Variants in ZC3H12D observed in about 807,000 individuals in gnomAD.
ZC3H12D encodes zinc finger CCCH-type containing 12D.
ZC3H12D carries 11 observed loss-of-function variants against 24.2 expected under a neutral mutation model. That is an observed-to-expected ratio of 0.46 (90% CI 0.29 to 0.75). The LOEUF (loss-of-function observed/expected upper bound fraction) is 0.75. Ranked by LOEUF, ZC3H12D falls within the 30% of genes least tolerant of loss-of-function variation. The probability of loss-of-function intolerance (pLI) is 0.11; values close to 1 mark genes in which losing one functional copy is unlikely to be tolerated. For synonymous variants in ZC3H12D, 333 were observed against 341.8 expected, an observed-to-expected ratio of 0.97 and a Z score of 0.28; for missense variants, 740 against 767.7, an observed-to-expected ratio of 0.96 and a Z score of 0.43.
intron 2 of ZC3H12D, among the ~76,000 whole-genome samples, chr6:149,470,536 G>GA (rs67599681): frequency 0.37 from 54,368 of 147,794 alleles, 10,344 homozygotes; most frequent in African/African-American, 0.46. Flanking sequence ...TCCGTCTGAA[G>GA]AAAAAAAAAA....
chr6:149,472,899 C>T (rs1370917839), intron 2 of ZC3H12D, among the ~76,000 whole-genome samples: 1 of 152,070 alleles, frequency 6.6e-6, no homozygotes, highest in East Asian at 1.9e-4. Flanking sequence ...TCTCACAACC[C>T]CTTCTAGTCT....
Position 149,474,621 on chromosome 6 carries a change from G to C in ZC3H12D, c.-70-8C>G. On this transcript the variant is annotated splice_region_variant and splice_polypyrimidine_tract_variant and intron_variant, in intron 1 of 5. Coordinates refer to ENST00000409806, the MANE Select transcript of ZC3H12D (RefSeq NM_207360.3). The stretch of plus-strand genomic sequence containing the variant: ...GAGCCCTGCAGACATGAGCTAAAGA[G>C]AAAAAAAATGCATCCATCAGGTGTT... 7.8e-7 allele frequency: 1 copy of C among 1,286,786 alleles called. No individual in the cohort carries two copies. Among genetic ancestry groups the C allele is most frequent in the South Asian group, 2.2e-5 (1 of 44,650 alleles). The allele number at this position is 1,286,786 out of a possible 1,614,324, so 79.7% of individuals were successfully genotyped here. A position where few individuals can be genotyped will look rare whatever the true frequency, so the allele number is the denominator to read the frequency against.
chr6:149,466,368 C>T (rs117494412), intron 2 of ZC3H12D, among the ~76,000 whole-genome samples: 33 of 151,558 alleles, frequency 2.2e-4, no homozygotes, highest in Non-Finnish European at 4.0e-4. Flanking sequence ...CACTGGCAAA[C>T]GTTAAGATGT....
chr6:149,453,649 G>T (rs1462672700), intron 4 of ZC3H12D, among the ~76,000 whole-genome samples: 1 of 152,130 alleles, frequency 6.6e-6, no homozygotes, highest in Non-Finnish European at 1.5e-5. Context: ...AACTTCCCAG[G>T]TGATTTTTAT....
In ZC3H12D at chr6:149,456,788, C is replaced by T; in HGVS notation, c.558G>A (p.Val186=). 6.2e-7 allele frequency: 1 copy of T among 1,613,656 alleles called. No homozygotes were observed. Among genetic ancestry groups the T allele is most frequent in the Non-Finnish European group, 8.5e-7 (1 of 1,179,800 alleles). The change falls in exon 4 of 6, where the codon GTG becomes GTA. Residue 186 remains valine (V), a synonymous_variant. Coordinates refer to ENST00000409806, the MANE Select transcript of ZC3H12D (RefSeq NM_207360.3). The surrounding 1 kb of genome is among the most constrained non-coding windows in gnomAD (Gnocchi z 4.3). ...VCYDDRYIVK[V]AYEQDGVIVS... is the part of the protein sequence containing the mutation. ...CGATGACGCCGTCCTGCTCGTAGGC[C>T]ACCTTCACGATGTAGCGGTCGTCGT...
At chr6:149,475,435 C>T (rs115588001) in intron 1 of ZC3H12D, among the ~76,000 whole-genome samples, 2 of 152,310 alleles carry the variant, frequency 1.3e-5, no homozygotes, top group East Asian at 1.9e-4. Flanking sequence ...GGGCCTGCCC[C>T]GGCTGGGCAT....
chr6:149,456,637 C>CCCCGGGGGG lies in ZC3H12D; in HGVS notation c.680+28_680+29insCCCCCCGGG. On this transcript the variant is annotated intron_variant, in intron 4 of 5. Transcript: ENST00000409806. The surrounding 1 kb of genome is among the most constrained non-coding windows in gnomAD (Gnocchi z 4.3). ...CCCGGCCCCCCGCCCCGCCGCCCCC[C>CCCCGGGGGG]AGGGTGTCAGGACCCCAGCCGGACC... 3 of 1,554,904 alleles carry CCCCGGGGGG rather than the reference C, an allele frequency of 1.9e-6. No individual in the cohort carries two copies. Among genetic ancestry groups the CCCCGGGGGG allele is most frequent in the Non-Finnish European group, 2.7e-6 (3 of 1,130,042 alleles).
At chr6:149,472,269 C>T (rs1228856261) in intron 2 of ZC3H12D, among the ~76,000 whole-genome samples, 2 of 152,100 alleles carry the variant, frequency 1.3e-5, no homozygotes, top group East Asian at 1.9e-4. Flanking sequence ...GATCAGGTGG[C>T]GGTTGTGCTA....
intron 2 of ZC3H12D, among the ~76,000 whole-genome samples, chr6:149,465,010 G>A (rs750432558): frequency 1.3e-5 from 2 of 152,170 alleles, no homozygotes; most frequent in African/African-American, 2.4e-5. Flanking sequence ...GCTCTCTCTC[G>A]TATGTGACCT....
chr6:149,466,555 G>A (rs1169790476), intron 2 of ZC3H12D, among the ~76,000 whole-genome samples: 1 of 151,442 alleles, frequency 6.6e-6, no homozygotes, highest in East Asian at 1.9e-4. Flanking sequence ...AATTCTCAAG[G>A]GAAAATAGCA....
intron 2 of ZC3H12D, among the ~76,000 whole-genome samples, chr6:149,469,367 GGAATGGCGT>G (rs1265502312): frequency 6.6e-6 from 1 of 151,986 alleles, no homozygotes; most frequent in Non-Finnish European, 1.5e-5. Flanking sequence ...CTGAGGCAGG[GGAATGGCGT>G]GAACCCGGGA....
chr6:149,479,313 A>T (rs1776387877), intron 1 of ZC3H12D, among the ~76,000 whole-genome samples: 1 of 152,216 alleles, frequency 6.6e-6, no homozygotes, highest in Non-Finnish European at 1.5e-5. Flanking sequence ...GTGAGCTGTG[A>T]TCACGCCACT....
chr6:149,466,003 C>A (rs77839970), intron 2 of ZC3H12D, among the ~76,000 whole-genome samples: 19 of 152,274 alleles, frequency 1.2e-4, no homozygotes, highest in Non-Finnish European at 2.5e-4. Flanking sequence ...CAGGTTTCTG[C>A]AAGGCTGCCT....
In ZC3H12D at chr6:149,450,127, C is replaced by T. The variant is rs1017354520; in HGVS notation, c.*556G>A. The stretch of plus-strand genomic sequence containing the variant: ...GGGTTAGCAATAGCTAACATGAAAA[C>T]TTCCAGATAGCAAACCTCCCCTGGC... On this transcript the variant is annotated 3_prime_UTR_variant, in exon 6 of 6. Coordinates refer to ENST00000409806, the MANE Select transcript of ZC3H12D (RefSeq NM_207360.3). The T allele has an allele frequency of 1.3e-5, 2 of 152,330 alleles. No homozygotes were observed. Among genetic ancestry groups the T allele is most frequent in the African/African-American group, 4.8e-5 (2 of 41,458 alleles). The allele number at this position is 152,330 out of a possible 1,614,324, so 9.4% of individuals were successfully genotyped here.
Position 149,456,558 on chromosome 6 carries a change from A to C in ZC3H12D, c.680+108T>G. 1 of 934,694 alleles carries C rather than the reference A, an allele frequency of 1.1e-6. No individual in the cohort carries two copies. Among genetic ancestry groups the C allele is most frequent in the Non-Finnish European group, 1.6e-6 (1 of 621,312 alleles). The allele number at this position is 934,694 out of a possible 1,614,324, so 57.9% of individuals were successfully genotyped here. On this transcript the variant is annotated intron_variant, in intron 4 of 5. Transcript: ENST00000409806. This position sits in a 1 kb window ranked among gnomAD's most constrained non-coding sequence, Gnocchi z 4.3. ...GGAGCTCTGTCTGAGGGGCTGGGTGACCGGGTGACCCCAAGCTCCTCCACC... is the reference window on the plus strand; with the variant it reads ...GGAGCTCTGTCTGAGGGGCTGGGTGCCCGGGTGACCCCAAGCTCCTCCACC...
chr6:149,478,763 T>C (rs1036818650), intron 1 of ZC3H12D, among the ~76,000 whole-genome samples: 2 of 152,076 alleles, frequency 1.3e-5, no homozygotes, highest in Non-Finnish European at 2.9e-5. Flanking sequence ...CTCTCACATC[T>C]ATCTCCTACT....
At chr6:149,463,565 C>T (rs988525177) in intron 2 of ZC3H12D, among the ~76,000 whole-genome samples, 2 of 152,162 alleles carry the variant, frequency 1.3e-5, no homozygotes, top group African/African-American at 4.8e-5. Context: ...AAAAATTAGC[C>T]AGGCGTGGTG....
At chr6:149,480,580 CAT>C (rs1776408697) in intron 1 of ZC3H12D, among the ~76,000 whole-genome samples, 1 of 152,094 alleles carries the variant, frequency 6.6e-6, no homozygotes, top group Admixed American at 6.6e-5. Context: ...CTACTAAAAA[CAT>C]AGAATTAGCC....
Position 149,450,773 on chromosome 6 carries a change from C to T in ZC3H12D, c.1494G>A (p.Met498Ile). ...GGTCTGAGAGCTCCGGGAACGCGGCCATCACGCGGTCCACCTGGTCACGCG... is the reference window on the plus strand; with the variant it reads ...GGTCTGAGAGCTCCGGGAACGCGGCTATCACGCGGTCCACCTGGTCACGCG... The part of the protein sequence containing the change: ...VFPRDQVDRV[M>I]AAFPELSDLA... Residue 498 changes from methionine (M) to isoleucine (I), a missense_variant, in exon 6 of 6, where the codon ATG (methionine) becomes ATA (isoleucine). Physicochemically the swap from Met to Ile is conservative, Grantham distance 10 (BLOSUM62 1). Transcript: ENST00000409806. The T allele has an allele frequency of 6.5e-7, 1 of 1,549,348 alleles. No homozygotes were observed. Among genetic ancestry groups the T allele is most frequent in the Non-Finnish European group, 8.7e-7 (1 of 1,146,720 alleles).
Sources: allele counts gnomAD v4.1 joint callset (sites outside exome capture counted in the v4.1 genomes callset), GRCh38; gene constraint gnomAD v4.1.1; non-coding constraint Gnocchi (gnomAD v3.1); transcripts MANE v1.5; gene names NCBI Gene and HGNC (gene_info 2026-07-23, HGNC 2026-07-21).